PRKCE: variants seen among roughly 807,000 people sequenced by gnomAD.
PRKCE encodes the protein protein kinase C epsilon.
PRKCE carries 16 observed loss-of-function variants against 85.4 expected under a neutral mutation model. That is an observed-to-expected ratio of 0.19 (90% CI 0.13 to 0.28). The LOEUF (loss-of-function observed/expected upper bound fraction) is 0.28. Ranked by LOEUF, PRKCE falls within the 10% of genes least tolerant of loss-of-function variation. PRKCE has a pLI of 1.00. For synonymous variants in PRKCE, 388 were observed against 371.5 expected (o/e 1.04, Z -0.51); for missense variants, 573 against 975.2 (o/e 0.59, Z 5.49).
chr2:45,652,365 A>G lies in PRKCE; in HGVS notation c.265A>G (p.Ile89Val). The change falls in exon 1 of 15, where the codon ATA becomes GTA. Residue 89 changes from isoleucine (I) to valine (V), a missense_variant. Coordinates refer to ENST00000306156, the MANE Select transcript of PRKCE (RefSeq NM_005400.3). This position sits in a 1 kb window ranked among gnomAD's most constrained non-coding sequence, Gnocchi z 7.7. Reference sequence around the variant, plus strand: ...GCTGGCTGTCTTTCACGATGCCCCCATAGGCTACGACGACTTCGTGGCCAA... The same window carrying G: ...GCTGGCTGTCTTTCACGATGCCCCCGTAGGCTACGACGACTTCGTGGCCAA... ...IELAVFHDAP[I>V]GYDDFVANCT... 1.2e-6 allele frequency: 2 copies of G among 1,613,490 alleles called. No homozygotes were observed. Among genetic ancestry groups the G allele is most frequent in the East Asian group, 2.2e-5 (1 of 44,834 alleles).
intron 1 of PRKCE, among the ~76,000 whole-genome samples, chr2:45,682,348 A>T (rs1429534026): frequency 6.6e-6 from 1 of 152,256 alleles, no homozygotes; most frequent in Non-Finnish European, 1.5e-5. Flanking sequence ...AGTACGAGGT[A>T]GGAACTTTTG....
chr2:45,684,169 C>G (rs1418787843), intron 1 of PRKCE, among the ~76,000 whole-genome samples: 2 of 152,206 alleles, frequency 1.3e-5, no homozygotes, highest in Non-Finnish European at 2.9e-5. Context: ...TCATTGAAAC[C>G]TGCTCCCAGG....
intron 11 of PRKCE, among the ~76,000 whole-genome samples, chr2:46,094,417 TTGAC>T (rs1466283436): frequency 8.5e-5 from 13 of 152,376 alleles, no homozygotes; most frequent in African/African-American, 2.9e-4. Context: ...GATAAAGAGT[TTGAC>T]TGGGCATAGA....
intron 1 of PRKCE, among the ~76,000 whole-genome samples, chr2:45,811,314 G>A (rs1688637907): frequency 6.6e-6 from 1 of 152,220 alleles, no homozygotes; most frequent in African/African-American, 2.4e-5. Flanking sequence ...ACTCAAAGAA[G>A]GAGGCAGCTG....
chr2:46,113,934 A>G lies in PRKCE; in HGVS notation c.1592+27572A>G, dbSNP rs1389542246. On this transcript the variant is annotated intron_variant, in intron 11 of 14. Transcript: ENST00000306156. The stretch of plus-strand genomic sequence containing the variant: ...CTTTGTCTCTACAGTTTTCTCTTCA[A>G]GACTATTCAAGATACTGCTAGTTAT... 2.0e-5 allele frequency among the ~76,000 whole-genome samples: 3 copies of G among 152,178 alleles called. No homozygotes were observed. The East Asian group carries it at 5.8e-4, about 29-fold the overall frequency.
At chr2:45,798,935 A>T (rs1040183091) in intron 1 of PRKCE, among the ~76,000 whole-genome samples, 1 of 152,152 alleles carries the variant, frequency 6.6e-6, no homozygotes, top group African/African-American at 2.4e-5. Flanking sequence ...TGGGAGGCTG[A>T]GGTGGGCAGA....
At chr2:45,656,238 CTT>C (rs368601266) in intron 1 of PRKCE, among the ~76,000 whole-genome samples, 15 of 152,324 alleles carry the variant, frequency 9.8e-5, no homozygotes, top group African/African-American at 3.6e-4. Flanking sequence ...GTAGTTATAA[CTT>C]TTCTTTGTTC....
At chr2:46,142,949 G>A (rs1675699878) in intron 11 of PRKCE, among the ~76,000 whole-genome samples, 1 of 152,200 alleles carries the variant, frequency 6.6e-6, no homozygotes, top group African/African-American at 2.4e-5. Context: ...GGCATTTGGG[G>A]TATTTTATAA....
At chr2:46,132,492 A>T (rs1209496997) in intron 11 of PRKCE, among the ~76,000 whole-genome samples, 1 of 152,138 alleles carries the variant, frequency 6.6e-6, no homozygotes, top group Non-Finnish European at 1.5e-5. Flanking sequence ...TCACATGGAG[A>T]AATGGAGGCT....
At chr2:46,013,801 G>A (rs1328402453) in intron 10 of PRKCE, among the ~76,000 whole-genome samples, 1 of 152,136 alleles carries the variant, frequency 6.6e-6, no homozygotes, top group Non-Finnish European at 1.5e-5. Context: ...TGGTCCTTTT[G>A]GAAACATTCC....
intron 2 of PRKCE, among the ~76,000 whole-genome samples, chr2:45,935,592 G>A (rs1192224485): frequency 6.6e-6 from 1 of 152,102 alleles, no homozygotes; most frequent in Non-Finnish European, 1.5e-5. Flanking sequence ...TTCCAGACTA[G>A]CCTGTCCATC....
chr2:46,179,842 C>G (rs574175790), intron 14 of PRKCE, among the ~76,000 whole-genome samples: 1 of 152,198 alleles, frequency 6.6e-6, no homozygotes, highest in African/African-American at 2.4e-5. Flanking sequence ...TACAGCCATC[C>G]CCCCCAACTC....
intron 6 of PRKCE, among the ~76,000 whole-genome samples, chr2:45,990,450 G>A (rs1349744860): frequency 2.0e-5 from 3 of 152,096 alleles, no homozygotes; most frequent in Non-Finnish European, 4.4e-5. Context: ...ATGAGGCAGG[G>A]GCAATCAGGA....
chr2:45,982,488 C>T (rs1273045940), intron 5 of PRKCE, among the ~76,000 whole-genome samples: 1 of 152,232 alleles, frequency 6.6e-6, no homozygotes, highest in African/African-American at 2.4e-5. Context: ...GGTGGACTCA[C>T]ACCCTGCCTG....
chr2:46,184,807 G>A lies in PRKCE; in HGVS notation c.2140G>A (p.Glu714Lys), dbSNP rs201250848. The change falls in exon 15 of 15, where the codon GAA (glutamate) becomes AAA (lysine). Residue 714 changes from glutamate to lysine, a missense_variant. Transcript: ENST00000306156. This position sits in a 1 kb window ranked among gnomAD's most constrained non-coding sequence, Gnocchi z 5.0. Reference protein sequence around the residue: ...REEPVLTLVDEAIVKQINQEE... With the variant: ...REEPVLTLVDKAIVKQINQEE... ...AGAGCCGGTACTCACCCTTGTGGAC[G>A]AAGCAATTGTAAAGCAGATCAACCA... The A allele has an allele frequency of 8.8e-5, 140 of 1,599,656 alleles. No homozygotes were observed. Among genetic ancestry groups the A allele is most frequent in the South Asian group, 4.4e-5 (4 of 91,092 alleles).
chr2:45,893,007 C>T (rs559778917), intron 2 of PRKCE, among the ~76,000 whole-genome samples: 1 of 152,190 alleles, frequency 6.6e-6, no homozygotes, highest in South Asian at 2.1e-4. Context: ...CCCATTGCCT[C>T]ATTCCGCTGC....
chr2:45,817,523 C>T (rs1416526139), intron 1 of PRKCE, among the ~76,000 whole-genome samples: 1 of 121,996 alleles, frequency 8.2e-6, no homozygotes, highest in Non-Finnish European at 1.8e-5. Flanking sequence ...GAAACCCCGT[C>T]TCTAATAAAA....
chr2:45,945,201 C>T (rs1213309760), intron 2 of PRKCE, among the ~76,000 whole-genome samples: 5 of 152,054 alleles, frequency 3.3e-5, no homozygotes, highest in African/African-American at 7.2e-5. Context: ...TTATTGAGGC[C>T]GGGTAATTTA....
chr2:45,948,964 C>T (rs753067436), intron 2 of PRKCE, among the ~76,000 whole-genome samples: 19 of 152,278 alleles, frequency 1.2e-4, no homozygotes, highest in South Asian at 6.2e-4. Context: ...TGCTATTCCT[C>T]GAATGACAAT....
Sources: allele counts gnomAD v4.1 joint callset (sites outside exome capture counted in the v4.1 genomes callset), GRCh38; gene constraint gnomAD v4.1.1; non-coding constraint Gnocchi (gnomAD v3.1); transcripts MANE v1.5; gene names NCBI Gene and HGNC (gene_info 2026-07-23, HGNC 2026-07-21).